Variants in CSMD1 observed in about 807,000 individuals in gnomAD.
The protein encoded by CSMD1 is CUB and sushi domain-containing protein 1.
In CSMD1, 213 loss-of-function variants were observed where a neutral mutation model predicts 417.5. That is an observed-to-expected ratio of 0.51 (90% CI 0.46 to 0.57). The LOEUF is 0.57. Ranked by LOEUF, CSMD1 falls within the 20% of genes least tolerant of loss-of-function variation. The pLI, the probability that CSMD1 is intolerant of heterozygous loss-of-function variation, is 0.00. For missense variants in CSMD1, 6,923 were observed against 4,529.7 expected (o/e 1.53, Z -15.17); for synonymous variants, 2,862 against 1,736.8 (o/e 1.65, Z -16.11).
intron 18 of CSMD1, among the ~76,000 whole-genome samples, chr8:3,381,511 C>G (rs1201262895): frequency 6.6e-6 from 1 of 151,942 alleles, no homozygotes; most frequent in Non-Finnish European, 1.5e-5. Context: ...ATGAAGAAAA[C>G]TTGAATATTT....
chr8:3,215,224 G>A (rs566151012), intron 29 of CSMD1, among the ~76,000 whole-genome samples: 2 of 152,274 alleles, frequency 1.3e-5, no homozygotes, highest in South Asian at 2.1e-4. Context: ...AGATGAAGAT[G>A]GATGCTTGTT....
intron 42 of CSMD1, among the ~76,000 whole-genome samples, chr8:3,115,435 C>G (rs763171349): frequency 1.3e-5 from 2 of 152,204 alleles, no homozygotes; most frequent in Non-Finnish European, 1.5e-5. Flanking sequence ...CTCCTGACCT[C>G]AGGTGATCCA....
At chr8:4,053,777 T>A (rs978745948) in intron 3 of CSMD1, among the ~76,000 whole-genome samples, 3 of 152,076 alleles carry the variant, frequency 2.0e-5, no homozygotes, top group African/African-American at 7.2e-5. Flanking sequence ...GGGGCTTAGA[T>A]TAGAGAATAA....
rs1800228492 is a variant in CSMD1, at chr8:4,832,752, T to A, written c.85+161580A>T. 2.0e-5 allele frequency among the ~76,000 whole-genome samples: 3 copies of A among 152,196 alleles called. No individual in the cohort carries two copies. In the South Asian group the frequency reaches 6.2e-4, roughly 32 times the overall value. On this transcript the variant is annotated intron_variant, in intron 1 of 69. Coordinates refer to ENST00000635120, the MANE Select transcript of CSMD1 (RefSeq NM_033225.6). Reference sequence around the variant, plus strand: ...ATTAAAGTGGAGAGAGATTACTGATTGGATCAACTCTTAGAACCATTAAAA... The same window carrying A: ...ATTAAAGTGGAGAGAGATTACTGATAGGATCAACTCTTAGAACCATTAAAA...
intron 3 of CSMD1, among the ~76,000 whole-genome samples, chr8:4,188,319 T>G (rs1382737353): frequency 6.6e-6 from 1 of 152,132 alleles, no homozygotes; most frequent in Non-Finnish European, 1.5e-5. Context: ...CTCACGTGGT[T>G]TTCTGGACCA....
chr8:2,978,279 C>G (rs1654662473), intron 55 of CSMD1, among the ~76,000 whole-genome samples: 1 of 152,144 alleles, frequency 6.6e-6, no homozygotes, highest in African/African-American at 2.4e-5. Context: ...GCTGCCGTGT[C>G]TGAGCTGTGT....
chr8:3,297,343 G>T (rs904755442), intron 25 of CSMD1, among the ~76,000 whole-genome samples: 1 of 152,128 alleles, frequency 6.6e-6, no homozygotes, highest in South Asian at 2.1e-4. Context: ...TCATATGGAA[G>T]TGCAGAAGGC....
At position 3,888,406 on chromosome 8, in the gene CSMD1, G is replaced by T. The variant is rs78315794; in HGVS notation, c.818+109497C>A. On this transcript the variant is annotated intron_variant, in intron 5 of 69. Transcript: ENST00000635120. The stretch of plus-strand genomic sequence containing the variant: ...TAGAGAAGCCTATTTCATTCTATAC[G>T]GAAACCTTTTTTTACCTTAATGCAA... 2.3e-3 allele frequency among the ~76,000 whole-genome samples: 349 copies of T among 152,188 alleles called. 3 individuals carry two copies. Among genetic ancestry groups the T allele is most frequent in the African/African-American group, 5.7e-3 (235 of 41,508 alleles).
intron 3 of CSMD1, among the ~76,000 whole-genome samples, chr8:4,120,112 A>G (rs953534392): frequency 6.6e-6 from 1 of 152,176 alleles, no homozygotes; most frequent in Non-Finnish European, 1.5e-5. Flanking sequence ...ACACCCCATT[A>G]TCCATGATGT....
At chr8:3,806,058 T>A (rs1232172702) in intron 5 of CSMD1, among the ~76,000 whole-genome samples, 1 of 152,176 alleles carries the variant, frequency 6.6e-6, no homozygotes, top group Non-Finnish European at 1.5e-5. Flanking sequence ...GGATTTTAAT[T>A]TATAATTGGA....
At chr8:4,963,996 G>C (rs1250195750) in intron 1 of CSMD1, among the ~76,000 whole-genome samples, 1 of 151,952 alleles carries the variant, frequency 6.6e-6, no homozygotes, top group Admixed American at 6.6e-5. Context: ...TAAAAGTTAA[G>C]CATATGGCAC....
chr8:4,698,818 A>C (rs1584960423), intron 1 of CSMD1, among the ~76,000 whole-genome samples: 1 of 152,054 alleles, frequency 6.6e-6, no homozygotes, highest in East Asian at 1.9e-4. Context: ...AGACTGATTT[A>C]GCTTTCAACC....
intron 7 of CSMD1, among the ~76,000 whole-genome samples, chr8:3,641,865 A>C (rs141410476): frequency 1.3e-5 from 2 of 152,194 alleles, no homozygotes; most frequent in Non-Finnish European, 2.9e-5. Flanking sequence ...TGGTACAGCT[A>C]ACTTCATATA....
chr8:4,471,408 A>G lies in CSMD1; in HGVS notation c.303-51343T>C, dbSNP rs563907220. 1.1e-4 allele frequency among the ~76,000 whole-genome samples: 16 copies of G among 152,276 alleles called. No individual in the cohort carries two copies. The South Asian group carries it at 3.1e-3, about 30-fold the overall frequency. On this transcript the variant is annotated intron_variant, in intron 2 of 69. Coordinates refer to ENST00000635120, the MANE Select transcript of CSMD1 (RefSeq NM_033225.6). ...TACTATTTTGACAAGGTTCCTATAC[A>G]GGTAGATTACCCAAGTGCAGCACGT...
intron 2 of CSMD1, among the ~76,000 whole-genome samples, chr8:4,580,872 T>C (rs1387931561): frequency 6.6e-6 from 1 of 152,194 alleles, no homozygotes; most frequent in African/African-American, 2.4e-5. Flanking sequence ...GGAATGCAAA[T>C]AATTTATTGC....
intron 1 of CSMD1, among the ~76,000 whole-genome samples, chr8:4,979,484 T>C (rs535442416): frequency 1.3e-5 from 2 of 152,320 alleles, no homozygotes; most frequent in South Asian, 4.1e-4. Flanking sequence ...CACTTGAGTG[T>C]GTGAAAGCTA....
At chr8:4,170,125 G>A (rs1325321400) in intron 3 of CSMD1, among the ~76,000 whole-genome samples, 4 of 151,676 alleles carry the variant, frequency 2.6e-5, no homozygotes, top group African/African-American at 9.8e-5. Context: ...CTCCCTCCAG[G>A]GGCTTCTCTT....
intron 57 of CSMD1, among the ~76,000 whole-genome samples, chr8:2,970,876 C>A (rs898147097): frequency 6.6e-6 from 1 of 152,194 alleles, no homozygotes; most frequent in African/African-American, 2.4e-5. Context: ...TGTAACTCCA[C>A]ACTTTGTTAT....
At chr8:3,527,165 C>CA (rs1423747993) in intron 10 of CSMD1, among the ~76,000 whole-genome samples, 8 of 152,004 alleles carry the variant, frequency 5.3e-5, no homozygotes, top group South Asian at 2.1e-4. Flanking sequence ...TTTTATAACA[C>CA]AAAAAAATAA....
Sources: gnomAD v4.1 joint callset for allele counts (sites outside exome capture counted in the v4.1 genomes callset) on GRCh38, gnomAD v4.1.1 for gene constraint, MANE v1.5 for transcripts, NCBI Gene and HGNC (gene_info 2026-07-23, HGNC 2026-07-21) for gene names.